The following LEPROTL1 variants were observed in gnomAD, a reference collection of about 807,000 sequenced individuals.
LEPROTL1 encodes the protein leptin receptor overlapping transcript-like 1.
LEPROTL1 carries 6 observed loss-of-function variants against 15.4 expected under a neutral mutation model. The observed-to-expected ratio is 0.39, with a 90% CI of 0.21 to 0.77. The LOEUF is 0.77. LEPROTL1 is among the 30% of genes least tolerant of loss of function. LEPROTL1 has a pLI of 0.41. For synonymous variants in LEPROTL1, 56 were observed against 52.6 expected (o/e 1.06, Z -0.28); for missense variants, 128 against 158.1 (o/e 0.81, Z 1.02).
At chr8:30,098,032 C>A (rs1411050915) in intron 1 of LEPROTL1, among the ~76,000 whole-genome samples, 1 of 151,958 alleles carries the variant, frequency 6.6e-6, no homozygotes, top group African/African-American at 2.4e-5. Flanking sequence ...CCCTCATGGT[C>A]CTAAGGTGGC....
chr8:30,123,783 A>G (rs1401646797), intron 3 of LEPROTL1, among the ~76,000 whole-genome samples: 1 of 152,248 alleles, frequency 6.6e-6, no homozygotes, highest in Non-Finnish European at 1.5e-5. Flanking sequence ...AATGAACCAA[A>G]TAGAGCAGAG....
In LEPROTL1 at chr8:30,105,889, T is replaced by C; in HGVS notation, c.*27T>C. The C allele has an allele frequency of 1.4e-6, 2 of 1,473,648 alleles. No homozygotes were observed. Among genetic ancestry groups the C allele is most frequent in the Non-Finnish European group, 1.8e-6 (2 of 1,107,960 alleles). 91.3% of individuals were successfully genotyped at this position (1,473,648 alleles called of 1,614,324 possible). A position where few individuals can be genotyped will look rare whatever the true frequency, so the allele number is the denominator to read the frequency against. On this transcript the variant is annotated 3_prime_UTR_variant, in exon 4 of 4. Transcript: ENST00000321250. The stretch of plus-strand genomic sequence containing the variant: ...AAGAAATTACTGAACTATTGTCAAA[T>C]GGACTTCCTGTCATTTGTTGGCCAT...
chr8:30,125,091 A>G (rs1407450875), intron 3 of LEPROTL1, among the ~76,000 whole-genome samples: 1 of 152,210 alleles, frequency 6.6e-6, no homozygotes, highest in Admixed American at 6.5e-5. Flanking sequence ...ATTCCCTGCA[A>G]GGAAAACATA....
At position 30,107,613 on chromosome 8, in the gene LEPROTL1, T is replaced by C. The variant is rs1802588907; in HGVS notation, c.*1751T>C. On this transcript the variant is annotated 3_prime_UTR_variant, in exon 4 of 4. Coordinates refer to ENST00000321250, the MANE Select transcript of LEPROTL1 (RefSeq NM_015344.3). ...GGAAGCAGGACGAAATATCGGCGTGTGGCTGGAGCCTTCCCACTGGAGGCT... is the reference window on the plus strand; with the variant it reads ...GGAAGCAGGACGAAATATCGGCGTGCGGCTGGAGCCTTCCCACTGGAGGCT... 1.0e-6 allele frequency: 1 copy of C among 985,856 alleles called. No homozygotes were observed. The highest frequency in any genetic ancestry group is 1.2e-6 in the Non-Finnish European group (1 of 829,912). 61.1% of individuals were successfully genotyped at this position (985,856 alleles called of 1,614,324 possible). A position where few individuals can be genotyped will look rare whatever the true frequency, so the allele number is the denominator to read the frequency against.
At chr8:30,136,459 T>C (rs1375137804) in intron 4 of LEPROTL1, among the ~76,000 whole-genome samples, 1 of 152,190 alleles carries the variant, frequency 6.6e-6, no homozygotes, top group Non-Finnish European at 1.5e-5. Flanking sequence ...ATTTCTGTTG[T>C]TTGAGCCACC....
chr8:30,137,163 C>A, intron 4 of LEPROTL1: 1 of 846,906 alleles, frequency 1.2e-6, no homozygotes, highest in Non-Finnish European at 1.9e-6. Flanking sequence ...GAGCCAGGAA[C>A]ATGAGATCTC....
chr8:30,127,434 G>A (rs1802920849), intron 3 of LEPROTL1, among the ~76,000 whole-genome samples: 1 of 152,184 alleles, frequency 6.6e-6, no homozygotes, highest in African/African-American at 2.4e-5. Context: ...GGGTTACTGA[G>A]CTCTAGTACT....
At position 30,095,755 on chromosome 8, in the gene LEPROTL1, C is replaced by A. The variant is rs537722280; in HGVS notation, c.16+227C>A. On this transcript the variant is annotated intron_variant, in intron 1 of 3. Coordinates refer to ENST00000321250, the MANE Select transcript of LEPROTL1 (RefSeq NM_015344.3). Reference sequence around the variant, plus strand: ...GGCTTCGCCCCGCAGCCCCCACTTTCTGCCGATTTCGGCAGCCTCTCTCCC... The same window carrying A: ...GGCTTCGCCCCGCAGCCCCCACTTTATGCCGATTTCGGCAGCCTCTCTCCC... 1.1e-3 allele frequency: 800 copies of A among 697,414 alleles called. 4 individuals carry two copies. Among genetic ancestry groups the A allele is most frequent in the South Asian group, 3.9e-3 (259 of 67,034 alleles). The allele number at this position is 697,414 out of a possible 1,614,324, so 43.2% of individuals were successfully genotyped here.
chr8:30,120,344 A>C (rs1036344054), intron 3 of LEPROTL1, among the ~76,000 whole-genome samples: 25 of 152,062 alleles, frequency 1.6e-4, no homozygotes, highest in African/African-American at 5.3e-4. Context: ...GAAATAGAAG[A>C]ATAAGAACTA....
chr8:30,129,237 A>G (rs1239077616), intron 3 of LEPROTL1, among the ~76,000 whole-genome samples: 2 of 152,172 alleles, frequency 1.3e-5, no homozygotes, highest in Non-Finnish European at 2.9e-5. Context: ...CTGTTCATCA[A>G]GACCCTCACT....
chr8:30,102,975 G>A (rs1280921626), intron 2 of LEPROTL1, among the ~76,000 whole-genome samples: 1 of 152,110 alleles, frequency 6.6e-6, no homozygotes. Context: ...TCACTTGTTA[G>A]ACTTTCTGAT....
chr8:30,095,788 GCC>G, intron 1 of LEPROTL1: 1 of 699,200 alleles, frequency 1.4e-6, no homozygotes, highest in Non-Finnish European at 2.6e-6. Context: ...CCCACCCATC[GCC>G]CCCCGGACAA....
chr8:30,128,938 A>G (rs12675542), intron 3 of LEPROTL1, among the ~76,000 whole-genome samples: 114,033 of 150,906 alleles, frequency 0.76, 45,310 homozygotes, highest in Non-Finnish European at 0.87. Context: ...ATTTTTTGAG[A>G]CAGAGTCTCT....
chr8:30,129,176 C>T (rs539541604), intron 3 of LEPROTL1, among the ~76,000 whole-genome samples: 1 of 152,262 alleles, frequency 6.6e-6, no homozygotes, highest in Admixed American at 6.5e-5. Flanking sequence ...GCTGAGATTA[C>T]AGGCGTGAGC....
chr8:30,095,554 A>C, intron 1 of LEPROTL1, 26 bp downstream of exon 1: 1 of 1,382,534 alleles, frequency 7.2e-7, no homozygotes, highest in Non-Finnish European at 9.4e-7. Flanking sequence ...AGGACGCGGG[A>C]GGGCTGGGGC....
At chr8:30,138,196 T>A, downstream of LEPROTL1, 1 of 189,976 alleles carries the variant, frequency 5.3e-6, no homozygotes, top group Admixed American at 5.3e-5. Context: ...AAGCTTGGAG[T>A]AATAATAAAA....
At chr8:30,101,805 G>C in intron 1 of LEPROTL1, 93 bp from the exon 2 acceptor site, 1 of 720,204 alleles carries the variant, frequency 1.4e-6, no homozygotes, top group Non-Finnish European at 2.3e-6. Flanking sequence ...AGGGATTTTT[G>C]CTTCTGAGGT....
chr8:30,136,371 G>A (rs556272760), intron 4 of LEPROTL1, among the ~76,000 whole-genome samples: 4 of 152,288 alleles, frequency 2.6e-5, no homozygotes, highest in African/African-American at 4.8e-5. Flanking sequence ...CGCAAGCCAC[G>A]AGAATGGCCT....
intron 1 of LEPROTL1, among the ~76,000 whole-genome samples, chr8:30,097,698 T>TACGCACAC (rs1802394318): frequency 2.8e-5 from 3 of 108,772 alleles, no homozygotes; most frequent in Admixed American, 1.2e-4. Flanking sequence ...TATATATATA[T>TACGCACAC]ACACACACAC....
Sources: gnomAD v4.1 joint callset for allele counts (sites outside exome capture counted in the v4.1 genomes callset) on GRCh38, gnomAD v4.1.1 for gene constraint, MANE v1.5 for transcripts, NCBI Gene and HGNC (gene_info 2026-07-23, HGNC 2026-07-21) for gene names.